The following KLF12 variants were observed in gnomAD, a reference collection of about 807,000 sequenced individuals.
KLF12 encodes Krueppel-like factor 12.
In KLF12, 9 loss-of-function variants were observed where a neutral mutation model predicts 37.8. That is an observed-to-expected ratio of 0.24 (90% confidence interval 0.14 to 0.42). The LOEUF (loss-of-function observed/expected upper bound fraction) is 0.42, where lower values mean the gene tolerates loss of function less well. KLF12 is among the 10% of genes least tolerant of loss of function. The pLI is 1.00. For synonymous variants in KLF12, 208 were observed against 202.1 expected, an observed-to-expected ratio of 1.03 and a Z score of -0.25; for missense variants, 411 against 516.0, an observed-to-expected ratio of 0.80 and a Z score of 1.97.
At chr13:74,235,291 C>T in the KLF12 span, among the ~76,000 whole-genome samples, 2 of 152,124 alleles carry the variant, frequency 1.3e-5, no homozygotes, top group Admixed American at 6.5e-5. Flanking sequence ...AGTAAGGAAA[C>T]CAGAAAACAT....
chr13:74,164,953 T>G, the KLF12 span, among the ~76,000 whole-genome samples: 3 of 152,136 alleles, frequency 2.0e-5, no homozygotes, highest in Admixed American at 2.0e-4. Flanking sequence ...TACAGAAATA[T>G]AGTTAGATAG....
At chr13:73,850,536 A>T (rs1003865755) in intron 3 of KLF12, among the ~76,000 whole-genome samples, 3 of 152,242 alleles carry the variant, frequency 2.0e-5, no homozygotes, top group Admixed American at 6.5e-5. Context: ...CCTGGAATTT[A>T]AAAAGAAAGA....
chr13:73,823,732 G>C (rs886530960), intron 4 of KLF12, among the ~76,000 whole-genome samples: 2 of 151,356 alleles, frequency 1.3e-5, no homozygotes, highest in African/African-American at 4.9e-5. Flanking sequence ...TTTTTTGAGA[G>C]AGAGTTTCGC....
At chr13:73,724,742 T>G (rs1452649366) in intron 6 of KLF12, among the ~76,000 whole-genome samples, 7 of 152,306 alleles carry the variant, frequency 4.6e-5, no homozygotes, top group Admixed American at 2.0e-4. Flanking sequence ...ATGAGAAAAC[T>G]AAGGCTCAGA....
chr13:73,809,004 T>C (rs1882791537), intron 5 of KLF12, among the ~76,000 whole-genome samples: 1 of 152,202 alleles, frequency 6.6e-6, no homozygotes, highest in African/African-American at 2.4e-5. Context: ...GAGGCAAATG[T>C]CTGAATCCTT....
the KLF12 span, among the ~76,000 whole-genome samples, chr13:74,262,610 T>C: frequency 6.6e-6 from 1 of 152,320 alleles, no homozygotes; most frequent in Admixed American, 6.5e-5. Flanking sequence ...TGTTATGCTG[T>C]ATTGTTTAGG....
At chr13:74,199,072 C>T in the KLF12 span, among the ~76,000 whole-genome samples, 2 of 152,212 alleles carry the variant, frequency 1.3e-5, no homozygotes, top group African/African-American at 4.8e-5. Context: ...GTCCACTAGA[C>T]CCAGACTTCA....
At chr13:73,715,605 C>G (rs1479716701) in intron 6 of KLF12, 80 bp from the exon 7 acceptor site, 29 of 1,373,382 alleles carry the variant, frequency 2.1e-5, no homozygotes, top group Non-Finnish European at 2.9e-5. Context: ...AACATTGTCT[C>G]AGACACTACA....
chr13:73,805,919 C>T (rs1271437093), intron 5 of KLF12, among the ~76,000 whole-genome samples: 3 of 151,954 alleles, frequency 2.0e-5, no homozygotes, highest in Non-Finnish European at 4.4e-5. Context: ...ATTCTTGTGC[C>T]TTGGCCTCCC....
chr13:73,708,390 CA>C lies in KLF12; in HGVS notation c.1027+6977del, dbSNP rs549952687. 4.4e-3 allele frequency among the ~76,000 whole-genome samples: 661 copies of C among 151,858 alleles called. 6 individuals carry two copies. The highest frequency in any genetic ancestry group is 0.015 in the African/African-American group (621 of 41,484). On this transcript the variant is annotated intron_variant, in intron 7 of 7. Coordinates refer to ENST00000377669, the MANE Select transcript of KLF12 (RefSeq NM_007249.5). ...ATTTTTACATATTGTAATTCCTTTG[CA>C]AAAAAAATTTGATTTTATCTTTATT...
chr13:74,050,252 A>G (rs9318242), intron 1 of KLF12, among the ~76,000 whole-genome samples: 31 of 152,204 alleles, frequency 2.0e-4, no homozygotes, highest in Non-Finnish European at 4.3e-4. Context: ...TTGAAATCCC[A>G]AAGGAAAATT....
intron 5 of KLF12, among the ~76,000 whole-genome samples, chr13:73,802,580 A>G (rs1882338667): frequency 6.6e-6 from 1 of 152,142 alleles, no homozygotes; most frequent in African/African-American, 2.4e-5. Flanking sequence ...TCACCCAAGT[A>G]CTAAGCATAG....
intron 5 of KLF12, among the ~76,000 whole-genome samples, chr13:73,794,894 C>T (rs777807318): frequency 6.6e-6 from 1 of 152,160 alleles, no homozygotes; most frequent in Non-Finnish European, 1.5e-5. Flanking sequence ...GATCAGATTG[C>T]TTATGTTCTC....
At chr13:74,147,430 T>G in the KLF12 span, among the ~76,000 whole-genome samples, 1 of 152,356 alleles carries the variant, frequency 6.6e-6, no homozygotes, top group South Asian at 2.1e-4. Flanking sequence ...AAGAGGGTGC[T>G]GCAGTGGCTG....
At chr13:74,110,234 C>G (rs964225551) in intron 1 of KLF12, among the ~76,000 whole-genome samples, 7 of 152,152 alleles carry the variant, frequency 4.6e-5, no homozygotes, top group African/African-American at 1.7e-4. Flanking sequence ...GCCCAGAGCT[C>G]AAGTTGCTTC....
intron 7 of KLF12, among the ~76,000 whole-genome samples, chr13:73,696,067 A>AC (rs1286059955): frequency 6.7e-6 from 1 of 150,354 alleles, no homozygotes; most frequent in Non-Finnish European, 1.5e-5. Context: ...TTGTTTCAAC[A>AC]CCCCCCCACG....
chr13:73,894,250 A>C (rs1246767141), intron 3 of KLF12, among the ~76,000 whole-genome samples: 1 of 152,202 alleles, frequency 6.6e-6, no homozygotes, highest in East Asian at 1.9e-4. Flanking sequence ...AGCTACTCAA[A>C]ATCTATAAAA....
chr13:73,911,576 T>C (rs1469379359), intron 3 of KLF12, among the ~76,000 whole-genome samples: 3 of 152,190 alleles, frequency 2.0e-5, no homozygotes, highest in Admixed American at 1.3e-4. Flanking sequence ...AGAACAGTGG[T>C]TTAGAAGTTC....
At chr13:73,780,471 GTT>G (rs58306980) in intron 5 of KLF12, among the ~76,000 whole-genome samples, 144 of 145,420 alleles carry the variant, frequency 9.9e-4, no homozygotes, top group African/African-American at 2.1e-3. Context: ...CCAAGGAATG[GTT>G]TTTTTTTTTT....
Sources: gnomAD v4.1 joint callset for allele counts (sites outside exome capture counted in the v4.1 genomes callset) on GRCh38, gnomAD v4.1.1 for gene constraint, MANE v1.5 for transcripts, NCBI Gene and HGNC (gene_info 2026-07-23, HGNC 2026-07-21) for gene names.